PLXNA4: variants seen among roughly 807,000 people sequenced by gnomAD.
The protein encoded by PLXNA4 is plexin-A4.
PLXNA4 carries 44 observed loss-of-function variants against 191.8 expected under a neutral mutation model. The observed-to-expected ratio is 0.23, with a 90% CI of 0.18 to 0.29. The LOEUF (loss-of-function observed/expected upper bound fraction) is 0.29. Ranked by LOEUF, PLXNA4 falls within the 10% of genes least tolerant of loss-of-function variation. The pLI, the probability that PLXNA4 is intolerant of heterozygous loss-of-function variation, is 1.00. For synonymous variants in PLXNA4, 1,082 were observed against 1,009.5 expected (o/e 1.07, Z -1.36); for missense variants, 1,800 against 2,488.8 (o/e 0.72, Z 5.89).
intron 3 of PLXNA4, among the ~76,000 whole-genome samples, chr7:132,401,963 T>C (rs1354123124): frequency 6.6e-6 from 1 of 152,134 alleles, no homozygotes; most frequent in Non-Finnish European, 1.5e-5. Context: ...GGTATAAAAG[T>C]AAGCAGTCCT....
At chr7:132,630,601 G>A (rs902812938) in intron 2 of PLXNA4, among the ~76,000 whole-genome samples, 11 of 151,816 alleles carry the variant, frequency 7.2e-5, no homozygotes, top group South Asian at 2.1e-4. Flanking sequence ...AAGTTCCACC[G>A]CCCAGGTTCA....
At position 132,147,146 on chromosome 7, in the gene PLXNA4, G is replaced by A. The variant is rs766105976; in HGVS notation, c.4865-446C>T. ...ATCACTGGGTAACCTGCTCACCTTC[G>A]TCTGTCCTCCCCTCTGGCCTGCGCC... On this transcript the variant is annotated intron_variant, in intron 27 of 31. Coordinates refer to ENST00000321063, the MANE Select transcript of PLXNA4 (RefSeq NM_020911.2). Among the ~76,000 whole-genome samples, 3 of 152,252 alleles carry A rather than the reference G, an allele frequency of 2.0e-5. No individual in the cohort carries two copies. In the South Asian group the frequency reaches 6.2e-4, roughly 32 times the overall value.
intron 5 of PLXNA4, among the ~76,000 whole-genome samples, chr7:132,237,133 T>G (rs1798727623): frequency 6.6e-6 from 1 of 152,374 alleles, no homozygotes; most frequent in East Asian, 1.9e-4. Context: ...TTAAGATCTG[T>G]GCATCTCATT....
intron 3 of PLXNA4, among the ~76,000 whole-genome samples, chr7:132,442,579 T>C (rs1795737066): frequency 1.3e-5 from 2 of 152,204 alleles, no homozygotes; most frequent in Non-Finnish European, 2.9e-5. Context: ...CTTTTTCTTT[T>C]TTCTTTTGCT....
At chr7:132,416,274 G>A (rs1050925909) in intron 3 of PLXNA4, among the ~76,000 whole-genome samples, 1 of 152,220 alleles carries the variant, frequency 6.6e-6, no homozygotes, top group Non-Finnish European at 1.5e-5. Context: ...AAAGGGTGAA[G>A]AGCAAAGAGG....
intron 1 of PLXNA4, among the ~76,000 whole-genome samples, chr7:132,552,057 A>C (rs1245184149): frequency 6.6e-6 from 1 of 152,208 alleles, no homozygotes; most frequent in Non-Finnish European, 1.5e-5. Context: ...ATGTAAAATC[A>C]ATGCTGCACA....
intron 3 of PLXNA4, among the ~76,000 whole-genome samples, chr7:132,324,407 T>C (rs1422176800): frequency 6.6e-6 from 1 of 152,208 alleles, no homozygotes; most frequent in Non-Finnish European, 1.5e-5. Context: ...TTGTGATAAG[T>C]TGGTTGTTAA....
intron 3 of PLXNA4, among the ~76,000 whole-genome samples, chr7:132,309,922 G>A (rs979121898): frequency 6.6e-6 from 1 of 152,192 alleles, no homozygotes; most frequent in Admixed American, 6.5e-5. Context: ...TGCAGCCTCA[G>A]AAGCAGCTTC....
chr7:132,278,263 G>A lies in PLXNA4; in HGVS notation c.1503+19828C>T, dbSNP rs139277641. ...CACAGACACTATCTTTTTGCACGGC[G>A]CCAGGCTTCAGAGGGCAGTAAAAGG... On this transcript the variant is annotated intron_variant, in intron 4 of 31. Transcript: ENST00000321063. Among the ~76,000 whole-genome samples, 361 of 152,164 alleles carry A rather than the reference G, an allele frequency of 2.4e-3. 1 individual carries two copies. Among genetic ancestry groups the A allele is most frequent in the African/African-American group, 7.9e-3 (326 of 41,524 alleles).
chr7:132,468,226 G>GAC (rs5887576), intron 3 of PLXNA4, among the ~76,000 whole-genome samples: 8,942 of 151,948 alleles, frequency 0.059, 715 homozygotes, highest in East Asian at 0.29. Flanking sequence ...GGCTTTAAAT[G>GAC]ACACACACAC....
chr7:132,305,809 T>A (rs764873099), intron 3 of PLXNA4, among the ~76,000 whole-genome samples: 11 of 152,142 alleles, frequency 7.2e-5, no homozygotes, highest in Non-Finnish European at 1.3e-4. Context: ...CAAACAGTGC[T>A]ATTCATCTCT....
At chr7:132,175,007 A>G in intron 20 of PLXNA4, 87 bp from the exon 21 acceptor site, 1 of 1,549,244 alleles carries the variant, frequency 6.5e-7, no homozygotes, top group African/African-American at 1.4e-5. Context: ...CCCTTACCCA[A>G]GCCCCTAGGA....
intron 3 of PLXNA4, among the ~76,000 whole-genome samples, chr7:132,334,515 C>T (rs2070791909): frequency 2.0e-5 from 3 of 152,062 alleles, no homozygotes; most frequent in African/African-American, 7.2e-5. Context: ...TCCTCATCCT[C>T]CCAAAGTGCT....
At chr7:132,349,674 T>C (rs1256181394) in intron 3 of PLXNA4, among the ~76,000 whole-genome samples, 1 of 152,194 alleles carries the variant, frequency 6.6e-6, no homozygotes, top group Non-Finnish European at 1.5e-5. Context: ...CCCCTTCTGA[T>C]GTCCTTCGTG....
At chr7:132,583,502 T>C (rs1802446933) in intron 2 of PLXNA4, among the ~76,000 whole-genome samples, 1 of 152,076 alleles carries the variant, frequency 6.6e-6, no homozygotes, top group Admixed American at 6.5e-5. Flanking sequence ...CTGCAAGCTA[T>C]CAGCAGGGCC....
rs114128641 is a variant in PLXNA4 at position 132,234,861 on chromosome 7, A to G, written c.1604+6205T>C. ...GTTTGCTGGGTGGAAGTGGACACCA[A>G]CCATTCCTCATGACTGTGTAGGCCT... On this transcript the variant is annotated intron_variant, in intron 5 of 31. Transcript: ENST00000321063. Among the ~76,000 whole-genome samples, 935 of 152,230 alleles carry G rather than the reference A, an allele frequency of 6.1e-3. 8 individuals are homozygous for G. The highest frequency in any genetic ancestry group is 0.021 in the African/African-American group (876 of 41,542).
chr7:132,298,126 C>T lies in PLXNA4; in HGVS notation c.1468G>A (p.Asp490Asn). ...GACATGATGTAGAGTTGCTCGTGGTCCTTGGAGAAGGCCATATCCCGGAGG... is the reference window on the plus strand; with the variant it reads ...GACATGATGTAGAGTTGCTCGTGGTTCTTGGAGAAGGCCATATCCCGGAGG... ...PVLRDMAFSKDHEQLYIMSER... is the reference protein window; with the variant it reads ...PVLRDMAFSKNHEQLYIMSER... Residue 490 changes from aspartate (D) to asparagine (N), a missense_variant, in exon 4 of 32, where the codon GAC (aspartate) becomes AAC (asparagine). Around this residue, in one of 6 missense-constraint regions of PLXNA4, gnomAD observed 1,397 missense variants for 1,880.4 expected, o/e 0.74. Transcript: ENST00000321063. 6.2e-7 allele frequency: 1 copy of T among 1,614,176 alleles called. No individual in the cohort carries two copies. Among genetic ancestry groups the T allele is most frequent in the Non-Finnish European group, 8.5e-7 (1 of 1,180,032 alleles).
At chr7:132,253,344 T>C (rs1799322684) in intron 4 of PLXNA4, among the ~76,000 whole-genome samples, 1 of 151,326 alleles carries the variant, frequency 6.6e-6, no homozygotes, top group Non-Finnish European at 1.5e-5. Context: ...CAAGCAATTA[T>C]CCCACCTCAG....
chr7:132,246,808 C>A (rs368195092), intron 4 of PLXNA4, among the ~76,000 whole-genome samples: 2 of 148,940 alleles, frequency 1.3e-5, no homozygotes. Context: ...CATCATCATC[C>A]TCATCATCAT....
Sources: gnomAD v4.1 joint callset for allele counts (sites outside exome capture counted in the v4.1 genomes callset) on GRCh38, gnomAD v4.1.1 for gene constraint, gnomAD v4.1.1 regional missense constraint, MANE v1.5 for transcripts, NCBI Gene and HGNC (gene_info 2026-07-23, HGNC 2026-07-21) for gene names.